Variants in KAZN observed in about 807,000 individuals in gnomAD.
KAZN encodes kazrin.
In KAZN, 40 loss-of-function variants were observed where a neutral mutation model predicts 87.4. The ratio of observed to expected loss-of-function variants is 0.46; its 90% CI spans 0.36 to 0.60. KAZN has a LOEUF of 0.60. Among genes scored for constraint, KAZN ranks in the 20% least tolerant of loss-of-function variants. The probability of loss-of-function intolerance (pLI) is 0.00; values close to 1 mark genes in which losing one functional copy is unlikely to be tolerated. For missense variants in KAZN, 898 were observed against 1,073.9 expected (o/e 0.84, Z 2.29); for synonymous variants, 466 against 458.3 (o/e 1.02, Z -0.22).
chr1:15,042,756 G>A (rs1407842897), intron 3 of KAZN, among the ~76,000 whole-genome samples: 1 of 152,114 alleles, frequency 6.6e-6, no homozygotes, highest in Non-Finnish European at 1.5e-5. Context: ...CAGCCTCCCT[G>A]TCTCTCACCA....
intron 2 of KAZN, among the ~76,000 whole-genome samples, chr1:14,998,104 A>G (rs562937364): frequency 6.6e-6 from 1 of 151,328 alleles, no homozygotes; most frequent in South Asian, 2.1e-4. Flanking sequence ...GACACTCTCC[A>G]GTGGATGGGA....
At chr1:14,853,843 C>G (rs1288182563) in intron 1 of KAZN, among the ~76,000 whole-genome samples, 2 of 152,026 alleles carry the variant, frequency 1.3e-5, no homozygotes, top group African/African-American at 2.4e-5. Flanking sequence ...CCGTGGGGGC[C>G]GAGACACCAC....
chr1:15,108,777 C>T lies in KAZN; in HGVS notation c.2049-3650C>T, dbSNP rs546755980. ...GTTCTCTACATTGACTCAGGAGAGT[C>T]CAGTGAGATGCCCCATTCTCCATAA... On this transcript the variant is annotated intron_variant, in intron 13 of 14. Transcript: ENST00000376030. Among the ~76,000 whole-genome samples the T allele has an allele frequency of 5.9e-5, 9 of 152,272 alleles. No individual in the cohort carries two copies. In the South Asian group the frequency reaches 1.7e-3, roughly 28 times the overall value.
At chr1:14,419,406 C>T (rs1220804805) in intron 2 of KAZN, among the ~76,000 whole-genome samples, 1 of 152,156 alleles carries the variant, frequency 6.6e-6, no homozygotes, top group African/African-American at 2.4e-5. Flanking sequence ...CCCTCCCAGC[C>T]CATTCCCTTG....
chr1:14,836,728 A>T (rs1557540468), intron 1 of KAZN, among the ~76,000 whole-genome samples: 1 of 152,150 alleles, frequency 6.6e-6, no homozygotes, highest in Non-Finnish European at 1.5e-5. Context: ...AGGGAAATGG[A>T]GAGGGGGTGT....
chr1:14,225,015 C>T (rs942724969), intron 2 of KAZN, among the ~76,000 whole-genome samples: 1 of 152,124 alleles, frequency 6.6e-6, no homozygotes, highest in African/African-American at 2.4e-5. Context: ...ACTCTCACTA[C>T]TCCTATTCAA....
intron 1 of KAZN, among the ~76,000 whole-genome samples, chr1:14,667,886 TC>T (rs1639666605): frequency 6.6e-6 from 1 of 152,046 alleles, no homozygotes; most frequent in South Asian, 2.1e-4. Flanking sequence ...ATCAAATCGC[TC>T]CTTGAAGCCA....
At chr1:14,109,012 G>C (rs569276153) in intron 1 of KAZN, among the ~76,000 whole-genome samples, 2 of 152,340 alleles carry the variant, frequency 1.3e-5, no homozygotes, top group African/African-American at 4.8e-5. Flanking sequence ...GGCTGAGCTA[G>C]GACTGCAATG....
At chr1:14,219,644 T>C (rs903495341) in intron 2 of KAZN, among the ~76,000 whole-genome samples, 3 of 152,070 alleles carry the variant, frequency 2.0e-5, no homozygotes, top group African/African-American at 7.2e-5. Context: ...AATAAGAAAA[T>C]TGTAGTATGA....
At position 14,604,957 on chromosome 1, in the gene KAZN, C is replaced by T. The variant is rs141292206; in HGVS notation, c.226+5734C>T. 1.8e-3 allele frequency among the ~76,000 whole-genome samples: 277 copies of T among 152,302 alleles called. 1 individual carries two copies. Among genetic ancestry groups the T allele is most frequent in the African/African-American group, 6.3e-3 (263 of 41,564 alleles). On this transcript the variant is annotated intron_variant, in intron 1 of 14. Transcript: ENST00000376030. ...CTCTGTCCTCTTCCACCACAGCAAG[C>T]GCTATGTTACCTTTGTGGGGATGTA... is the stretch of plus-strand genomic sequence containing the variant.
At chr1:15,015,632 A>T (rs947742292) in intron 2 of KAZN, among the ~76,000 whole-genome samples, 1 of 152,022 alleles carries the variant, frequency 6.6e-6, no homozygotes, top group Non-Finnish European at 1.5e-5. Context: ...GGGACCTTCT[A>T]AGGACAAACC....
At chr1:15,043,633 C>CTTTT (rs71000361) in intron 3 of KAZN, among the ~76,000 whole-genome samples, 5 of 72,572 alleles carry the variant, frequency 6.9e-5, no homozygotes, top group Non-Finnish European at 9.8e-5. Context: ...CTCCCCACTT[C>CTTTT]TTTTTTTTTT....
Position 15,099,773 on chromosome 1 carries a change from G to A in KAZN, c.1548-1770G>A, listed in dbSNP as rs764355281. On this transcript the variant is annotated intron_variant, in intron 10 of 14. Transcript: ENST00000376030. The surrounding 1 kb of genome is among the most constrained non-coding windows in gnomAD (Gnocchi z 5.4). The stretch of plus-strand genomic sequence containing the variant: ...ACCCCCTGGTGGTCCTGGGGGATGC[G>A]GAATAGAAGGGAAGCAAAGGCAGGA... Among the ~76,000 whole-genome samples the A allele has an allele frequency of 2.0e-5, 3 of 152,144 alleles. No homozygotes were observed. Among genetic ancestry groups the A allele is most frequent in the Non-Finnish European group, 2.9e-5 (2 of 68,016 alleles).
At chr1:14,086,350 C>A (rs1205881426) in intron 1 of KAZN, among the ~76,000 whole-genome samples, 1 of 152,114 alleles carries the variant, frequency 6.6e-6, no homozygotes, top group African/African-American at 2.4e-5. Context: ...CTCCTCCCCT[C>A]CCCCAGGTCT....
intron 1 of KAZN, among the ~76,000 whole-genome samples, chr1:14,670,070 T>A (rs905427613): frequency 1.3e-5 from 2 of 152,138 alleles, no homozygotes; most frequent in African/African-American, 4.8e-5. Context: ...AGATACTTTA[T>A]TTGGCCCGAG....
At chr1:14,753,905 A>T (rs1644483069) in intron 1 of KAZN, among the ~76,000 whole-genome samples, 1 of 152,222 alleles carries the variant, frequency 6.6e-6, no homozygotes, top group African/African-American at 2.4e-5. Context: ...TCTGCTTCCA[A>T]GATAGCGTCT....
intron 2 of KAZN, among the ~76,000 whole-genome samples, chr1:14,521,802 G>C (rs1372334872): frequency 1.3e-5 from 2 of 152,084 alleles, no homozygotes; most frequent in Non-Finnish European, 2.9e-5. Context: ...TTGAGTTAGG[G>C]GTCAAGTTAC....
intron 2 of KAZN, among the ~76,000 whole-genome samples, chr1:14,196,939 T>C (rs1646537865): frequency 6.6e-6 from 1 of 151,902 alleles, no homozygotes; most frequent in Non-Finnish European, 1.5e-5. Context: ...GAAGAAAGCA[T>C]ATTAAGAAGC....
chr1:15,041,998 G>A (rs753997583), intron 3 of KAZN, among the ~76,000 whole-genome samples: 1 of 152,344 alleles, frequency 6.6e-6, no homozygotes. Context: ...TGTACAGAAC[G>A]TTCTGTGACA....
Sources: gnomAD v4.1 joint callset for allele counts (sites outside exome capture counted in the v4.1 genomes callset) on GRCh38, gnomAD v4.1.1 for gene constraint, Gnocchi (gnomAD v3.1) non-coding constraint, MANE v1.5 for transcripts, NCBI Gene and HGNC (gene_info 2026-07-23, HGNC 2026-07-21) for gene names.